Variants in SUSD3 observed in about 807,000 individuals in gnomAD.
SUSD3 encodes sushi domain-containing protein 3.
A neutral mutation model predicts 20.6 loss-of-function variants in SUSD3; 18 were observed. The observed-to-expected ratio is 0.87, with a 90% CI of 0.60 to 1.30. The LOEUF (loss-of-function observed/expected upper bound fraction) is 1.30. SUSD3 is among the 50% of genes most tolerant of loss of function. SUSD3 has a pLI of 0.00. For synonymous variants in SUSD3, 137 were observed against 141.5 expected (o/e 0.97, Z 0.23); for missense variants, 306 against 346.9 (o/e 0.88, Z 0.94).
At chr9:93,062,437 A>G (rs976954784) in intron 1 of SUSD3, among the ~76,000 whole-genome samples, 1 of 152,254 alleles carries the variant, frequency 6.6e-6, no homozygotes, top group African/African-American at 2.4e-5. Flanking sequence ...AAGGGCAGCC[A>G]CAACCATGGG....
chr9:93,066,425 GT>G, intron 1 of SUSD3, among the ~76,000 whole-genome samples: 1 of 152,078 alleles, frequency 6.6e-6, no homozygotes, highest in African/African-American at 2.4e-5. Context: ...GTAGAGACAG[GT>G]TTTCACCATA....
intron 2 of SUSD3, 71 bp downstream of exon 2, chr9:93,076,043 T>TGTGGGCGGGGATGGC: frequency 2.2e-6 from 3 of 1,384,102 alleles, no homozygotes; most frequent in Non-Finnish European, 2.0e-6. Flanking sequence ...ATGGGGATGG[T>TGTGGGCGGGGATGGC]GTGGGTGGGG....
At chr9:93,071,767 T>C (rs992875575) in intron 1 of SUSD3, among the ~76,000 whole-genome samples, 9 of 152,192 alleles carry the variant, frequency 5.9e-5, no homozygotes, top group African/African-American at 2.2e-4. Flanking sequence ...GGAGGGCAGG[T>C]TGGGAAATGT....
At position 93,058,745 on chromosome 9, in the gene SUSD3, G is replaced by GCGCT; in HGVS notation, c.4_7dup (p.Trp3SerfsTer33). On this transcript the variant is annotated frameshift_variant, in exon 1 of 5. Coordinates refer to ENST00000375472, the MANE Select transcript of SUSD3 (RefSeq NM_145006.4). LOFTEE classifies it high-confidence loss of function. Reference sequence around the variant, plus strand: ...CCAAGCGCCTCGGAGCGCGCAGGATGCGCTGGGCGGCCGCCACCCTCCGTG... The same window carrying GCGCT: ...CCAAGCGCCTCGGAGCGCGCAGGATGCGCTCGCTGGGCGGCCGCCACCCTCCGTG... 1 of 1,235,538 alleles carries GCGCT rather than the reference G, an allele frequency of 8.1e-7. No individual in the cohort carries two copies. The highest frequency in any genetic ancestry group is 1.0e-6 in the Non-Finnish European group (1 of 989,442). 76.5% of individuals were successfully genotyped at this position (1,235,538 alleles called of 1,614,324 possible).
At chr9:93,074,648 T>C (rs1336159591) in intron 1 of SUSD3, among the ~76,000 whole-genome samples, 1 of 136,326 alleles carries the variant, frequency 7.3e-6, no homozygotes, top group African/African-American at 2.9e-5. Context: ...TGAGATGCAG[T>C]CTCACTCTGT....
In SUSD3 at chr9:93,058,811, T is replaced by C; in HGVS notation, c.69T>C (p.Pro23=). ...RPRGRAGVTT[P]APGNRTGTCA... ...GGGGGCGGGCCGGGGTCACCACGCC[T>C]GCCCCAGGGAACCGCACAGGTGAGG... The change falls in exon 1 of 5, where the codon CCT becomes CCC. Residue 23 remains proline (P), a synonymous_variant. Transcript: ENST00000375472. 1 of 1,255,778 alleles carries C rather than the reference T, an allele frequency of 8.0e-7. No individual in the cohort carries two copies. Among genetic ancestry groups the C allele is most frequent in the Non-Finnish European group, 1.0e-6 (1 of 999,724 alleles). The allele number at this position is 1,255,778 out of a possible 1,614,324, so 77.8% of individuals were successfully genotyped here. A position where few individuals can be genotyped will look rare whatever the true frequency, so the allele number is the denominator to read the frequency against.
intron 1 of SUSD3, among the ~76,000 whole-genome samples, chr9:93,061,038 A>T (rs1416697622): frequency 6.6e-6 from 1 of 152,100 alleles, no homozygotes; most frequent in Admixed American, 6.5e-5. Context: ...CGCGGGGGAG[A>T]CTAGCTCAGA....
intron 4 of SUSD3, 81 bp downstream of exon 4, chr9:93,079,683 A>AGCGTGTGGGAGCAG: frequency 4.7e-6 from 7 of 1,497,344 alleles, no homozygotes; most frequent in Non-Finnish European, 6.4e-6. Context: ...TGCTGCTCCC[A>AGCGTGTGGGAGCAG]CACGCTGAGA....
intron 1 of SUSD3, among the ~76,000 whole-genome samples, chr9:93,067,094 C>A (rs1404184739): frequency 6.6e-6 from 1 of 152,226 alleles, no homozygotes; most frequent in African/African-American, 2.4e-5. Context: ...TCCCTTTCCC[C>A]CAGCTTCTGA....
At chr9:93,083,379 CG>C (rs1419178033) in intron 4 of SUSD3, among the ~76,000 whole-genome samples, 1 of 152,218 alleles carries the variant, frequency 6.6e-6, no homozygotes, top group Non-Finnish European at 1.5e-5. Flanking sequence ...GCAGGATCCT[CG>C]GGATATGCCT....
chr9:93,070,068 C>G (rs1219836433), intron 1 of SUSD3, among the ~76,000 whole-genome samples: 1 of 152,180 alleles, frequency 6.6e-6, no homozygotes, highest in East Asian at 1.9e-4. Context: ...CATGAGCCAC[C>G]ATGCCTGGCC....
chr9:93,081,748 T>C lies in SUSD3; in HGVS notation c.557+2146T>C, dbSNP rs575042338. Among the ~76,000 whole-genome samples the C allele has an allele frequency of 7.9e-5, 12 of 152,286 alleles. 1 individual carries two copies. The highest frequency in any genetic ancestry group is 1.4e-4 in the African/African-American group (6 of 41,552). On this transcript the variant is annotated intron_variant, in intron 4 of 4. Coordinates refer to ENST00000375472, the MANE Select transcript of SUSD3 (RefSeq NM_145006.4). ...CAAGGATGTAGCCGAAATGCTGCCATTGATACTTCTGCACTTAGCAACACG... is the reference window on the plus strand; with the variant it reads ...CAAGGATGTAGCCGAAATGCTGCCACTGATACTTCTGCACTTAGCAACACG...
chr9:93,075,907 G>T lies in SUSD3; in HGVS notation c.212G>T (p.Gly71Val). The stretch of plus-strand genomic sequence containing the variant: ...TCCAACCACCAGATGGTGGGGTCTG[G>T]GCTCCTCACCTGCACCTGGAAGGGG... ...CPSNHQMVGS[G>V]LLTCTWKGSI... is the part of the protein sequence containing the mutation. The change falls in exon 2 of 5, where the codon GGG (glycine) becomes GTG (valine). Residue 71 changes from glycine to valine, a missense_variant. Gly to Val is a moderately radical substitution (Grantham distance 109). Transcript: ENST00000375472. The T allele has an allele frequency of 6.2e-7, 1 of 1,613,988 alleles. No homozygotes were observed. Among genetic ancestry groups the T allele is most frequent in the Non-Finnish European group, 8.5e-7 (1 of 1,179,958 alleles).
intron 1 of SUSD3, among the ~76,000 whole-genome samples, chr9:93,075,407 CCCT>C (rs1826087808): frequency 2.1e-5 from 3 of 143,062 alleles, no homozygotes; most frequent in Non-Finnish European, 4.5e-5. Context: ...CTCTCTCTGT[CCCT>C]CTTTTTTTTT....
rs538774404 is a variant in SUSD3 at position 93,080,314 on chromosome 9, G to A, written c.557+712G>A. Among the ~76,000 whole-genome samples, 10 of 97,766 alleles carry A rather than the reference G, an allele frequency of 1.0e-4. No individual in the cohort carries two copies. The East Asian group carries it at 1.3e-3, about 12-fold the overall frequency. 64.1% of individuals were successfully genotyped at this position (97,766 alleles called of 152,430 possible). A position where few individuals can be genotyped will look rare whatever the true frequency, so the allele number is the denominator to read the frequency against. On this transcript the variant is annotated intron_variant, in intron 4 of 4. Transcript: ENST00000375472. ...AGCCTGGGCGACAGAGCGAGACTCC[G>A]TCTCAAAAAAAAAAAAAAAAAAAAA... is the stretch of plus-strand genomic sequence containing the variant.
intron 4 of SUSD3, among the ~76,000 whole-genome samples, chr9:93,082,820 C>T (rs994306114): frequency 1.3e-5 from 2 of 152,204 alleles, no homozygotes; most frequent in Non-Finnish European, 2.9e-5. Flanking sequence ...AATTGCCTCT[C>T]AAGGCAACAT....
At chr9:93,079,836 G>A (rs1042169243) in intron 4 of SUSD3, among the ~76,000 whole-genome samples, 1 of 152,016 alleles carries the variant, frequency 6.6e-6, no homozygotes, top group Admixed American at 6.6e-5. Flanking sequence ...TCATCTGGAG[G>A]GTCCACCCTC....
At position 93,069,007 on chromosome 9, in the gene SUSD3, G is replaced by GTC. The variant is rs1210704617; in HGVS notation, c.89-6765_89-6764dup. 7.3e-5 allele frequency: 45 copies of GTC among 617,842 alleles called. 1 individual carries two copies. The highest frequency in any genetic ancestry group is 5.3e-4 in the South Asian group (29 of 54,448). The allele number at this position is 617,842 out of a possible 1,614,324, so 38.3% of individuals were successfully genotyped here. A position where few individuals can be genotyped will look rare whatever the true frequency, so the allele number is the denominator to read the frequency against. On this transcript the variant is annotated intron_variant, in intron 1 of 4. Transcript: ENST00000375472. ...TTATAATAAGAGTAATGTGAATGTGGTCTCTCTCTCTCTAAATATCTTAAT... is the reference window on the plus strand; with the variant it reads ...TTATAATAAGAGTAATGTGAATGTGGTCTCTCTCTCTCTCTAAATATCTTAAT...
chr9:93,073,043 C>T (rs997654687), intron 1 of SUSD3, among the ~76,000 whole-genome samples: 1 of 152,044 alleles, frequency 6.6e-6, no homozygotes, highest in Non-Finnish European at 1.5e-5. Flanking sequence ...CGTAGCAGGT[C>T]AGTGTGGAAT....
Sources: gnomAD v4.1 joint callset for allele counts (sites outside exome capture counted in the v4.1 genomes callset) on GRCh38, gnomAD v4.1.1 for gene constraint, MANE v1.5 for transcripts, NCBI Gene and HGNC (gene_info 2026-07-23, HGNC 2026-07-21) for gene names.